The following ATP8A2 variants were observed in gnomAD, a reference collection of about 807,000 sequenced individuals.
The protein encoded by ATP8A2 is ATPase phospholipid transporting 8A2, also known as phospholipid-transporting ATPase IB.
A neutral mutation model predicts 165.6 loss-of-function variants in ATP8A2; 100 were observed. The observed-to-expected ratio is 0.60, with a 90% CI of 0.51 to 0.71. The LOEUF is 0.71. ATP8A2 is among the 30% of genes least tolerant of loss of function. ATP8A2 has a pLI of 0.00. For missense variants in ATP8A2, 1,227 were observed against 1,479.5 expected (o/e 0.83, Z 2.80); for synonymous variants, 543 against 548.8 (o/e 0.99, Z 0.15).
At chr13:25,967,613 A>G (rs1955808677) in intron 34 of ATP8A2, among the ~76,000 whole-genome samples, 1 of 152,190 alleles carries the variant, frequency 6.6e-6, no homozygotes, top group African/African-American at 2.4e-5. Context: ...TATTTAAATT[A>G]AACCGATGCA....
At chr13:25,872,190 A>G (rs1261690718) in intron 33 of ATP8A2, among the ~76,000 whole-genome samples, 3 of 152,094 alleles carry the variant, frequency 2.0e-5, no homozygotes, top group African/African-American at 7.2e-5. Context: ...TCAGGAATGC[A>G]CATGGTGCCC....
chr13:25,916,673 G>A (rs764305538), intron 33 of ATP8A2, among the ~76,000 whole-genome samples: 3 of 152,152 alleles, frequency 2.0e-5, no homozygotes, highest in Non-Finnish European at 2.9e-5. Flanking sequence ...TGAGGAAATC[G>A]AAGCCCAGAA....
chr13:25,533,229 T>C (rs1004685276), intron 5 of ATP8A2, 44 bp from the exon 6 acceptor site: 2 of 1,040,426 alleles, frequency 1.9e-6, no homozygotes, highest in Non-Finnish European at 2.9e-6. Context: ...GCTGATTCAA[T>C]TTAACACCAG....
chr13:25,408,534 A>G (rs1417772971), intron 1 of ATP8A2, among the ~76,000 whole-genome samples: 1 of 152,206 alleles, frequency 6.6e-6, no homozygotes, highest in Non-Finnish European at 1.5e-5. Context: ...TCTTGTTGAA[A>G]TATACTTTTC....
chr13:25,517,870 T>G (rs2037531338), intron 2 of ATP8A2, among the ~76,000 whole-genome samples: 1 of 152,258 alleles, frequency 6.6e-6, no homozygotes, highest in South Asian at 2.1e-4. Context: ...TGAAAATTTC[T>G]TGTAAGGTGC....
At chr13:25,767,279 G>C (rs185365784) in intron 25 of ATP8A2, among the ~76,000 whole-genome samples, 1 of 152,164 alleles carries the variant, frequency 6.6e-6, no homozygotes, top group Non-Finnish European at 1.5e-5. Context: ...GTTGACTAGA[G>C]GCTTCATTGA....
intron 33 of ATP8A2, among the ~76,000 whole-genome samples, chr13:25,903,733 C>G (rs1953840944): frequency 6.6e-6 from 1 of 152,160 alleles, no homozygotes; most frequent in Admixed American, 6.5e-5. Flanking sequence ...ATCCTCAGCA[C>G]TGCCCTCCTC....
intron 24 of ATP8A2, among the ~76,000 whole-genome samples, chr13:25,648,659 T>C (rs2041736983): frequency 6.6e-6 from 1 of 152,112 alleles, no homozygotes; most frequent in Non-Finnish European, 1.5e-5. Flanking sequence ...TGATATTCCA[T>C]CTCAAAACCA....
chr13:26,013,596 C>T (rs1956894732), intron 36 of ATP8A2, among the ~76,000 whole-genome samples: 1 of 151,964 alleles, frequency 6.6e-6, no homozygotes, highest in Non-Finnish European at 1.5e-5. Flanking sequence ...ATCACTTGAA[C>T]CTAGGAAGCG....
chr13:25,394,996 A>G (rs2033371877), intron 1 of ATP8A2, among the ~76,000 whole-genome samples: 1 of 152,100 alleles, frequency 6.6e-6, no homozygotes, highest in Non-Finnish European at 1.5e-5. Context: ...ACAATTTATC[A>G]TTCTTTGTTG....
At chr13:25,535,589 G>C (rs2038252069) in intron 6 of ATP8A2, among the ~76,000 whole-genome samples, 1 of 152,116 alleles carries the variant, frequency 6.6e-6, no homozygotes, top group Admixed American at 6.5e-5. Flanking sequence ...TGAGGCAGCT[G>C]GATCACTTTA....
At chr13:25,899,436 G>T (rs116416404) in intron 33 of ATP8A2, among the ~76,000 whole-genome samples, 2 of 152,120 alleles carry the variant, frequency 1.3e-5, no homozygotes, top group Non-Finnish European at 2.9e-5. Context: ...TAATGCATAC[G>T]GGTGTCTGGT....
chr13:25,447,788 C>T (rs2035110710), intron 1 of ATP8A2, among the ~76,000 whole-genome samples: 1 of 152,124 alleles, frequency 6.6e-6, no homozygotes, highest in African/African-American at 2.4e-5. Context: ...ATGGTGAATG[C>T]AGAGATTTTA....
intron 35 of ATP8A2, among the ~76,000 whole-genome samples, chr13:25,971,403 C>G (rs1452069470): frequency 2.6e-5 from 4 of 152,100 alleles, no homozygotes; most frequent in African/African-American, 9.7e-5. Flanking sequence ...GTCTTCAGCT[C>G]TGTCCTCCCT....
chr13:25,534,123 C>T (rs913329320), intron 6 of ATP8A2: 19 of 517,118 alleles, frequency 3.7e-5, no homozygotes, highest in Non-Finnish European at 6.0e-5. Flanking sequence ...GAAAAATGCC[C>T]GTGATATGGT....
intron 24 of ATP8A2, among the ~76,000 whole-genome samples, chr13:25,629,573 G>A (rs545386813): frequency 2.0e-5 from 3 of 152,124 alleles, no homozygotes; most frequent in East Asian, 1.9e-4. Context: ...AAGTATTTGC[G>A]TTAGGTGAGA....
At chr13:25,567,576 C>A (rs2039352841) in intron 16 of ATP8A2, among the ~76,000 whole-genome samples, 1 of 152,122 alleles carries the variant, frequency 6.6e-6, no homozygotes. Context: ...ACTTCAAGGG[C>A]ATTTTAATCT....
At chr13:25,907,269 C>G (rs1320094797) in intron 33 of ATP8A2, among the ~76,000 whole-genome samples, 5 of 152,070 alleles carry the variant, frequency 3.3e-5, no homozygotes, top group Non-Finnish European at 7.4e-5. Flanking sequence ...CCACTGCACT[C>G]CAGCTTGGGC....
At chr13:25,648,983 TG>T (rs757857305) in intron 24 of ATP8A2, 1 of 495,088 alleles carries the variant, frequency 2.0e-6, no homozygotes, top group South Asian at 1.5e-5. Flanking sequence ...CTAAATTTTT[TG>T]TCATCATTTT....
Sources: allele counts gnomAD v4.1 joint callset (sites outside exome capture counted in the v4.1 genomes callset), GRCh38; gene constraint gnomAD v4.1.1; transcripts MANE v1.5; gene names NCBI Gene and HGNC (gene_info 2026-07-23, HGNC 2026-07-21).